The following FAM83B variants were observed in gnomAD, a reference collection of about 807,000 sequenced individuals.
FAM83B encodes the protein scaffolding CK1 anchoring protein B, also known as protein FAM83B.
A neutral mutation model predicts 38.8 loss-of-function variants in FAM83B; 26 were observed. The ratio of observed to expected loss-of-function variants is 0.67; its 90% CI spans 0.49 to 0.93. FAM83B has a LOEUF of 0.93. FAM83B is among the 40% of genes least tolerant of loss of function. The pLI is 0.00. For synonymous variants in FAM83B, 419 were observed against 423.1 expected, an observed-to-expected ratio of 0.99 and a Z score of 0.12; for missense variants, 1,237 against 1,197.3, an observed-to-expected ratio of 1.03 and a Z score of -0.49.
intron 1 of FAM83B, among the ~76,000 whole-genome samples, chr6:54,858,464 T>C (rs565953275): frequency 7.2e-5 from 11 of 152,350 alleles, no homozygotes; most frequent in Non-Finnish European, 1.2e-4. Context: ...TTGTAAAATA[T>C]AGACTTCAGC....
At chr6:54,889,924 C>T (rs1201178545) in intron 2 of FAM83B, among the ~76,000 whole-genome samples, 1 of 151,998 alleles carries the variant, frequency 6.6e-6, no homozygotes, top group Non-Finnish European at 1.5e-5. Context: ...AAATATCCTA[C>T]AAACATACAT....
intron 2 of FAM83B, among the ~76,000 whole-genome samples, chr6:54,903,409 A>T (rs1772707694): frequency 6.6e-6 from 1 of 152,178 alleles, no homozygotes; most frequent in South Asian, 2.1e-4. Context: ...AATTGTCTGC[A>T]TTTCTACTAC....
At chr6:54,880,848 A>G (rs1581897099) in intron 2 of FAM83B, among the ~76,000 whole-genome samples, 1 of 152,326 alleles carries the variant, frequency 6.6e-6, no homozygotes, top group South Asian at 2.1e-4. Context: ...AGTAGAGATA[A>G]TCACTGCTAT....
chr6:54,870,570 G>A lies in FAM83B; in HGVS notation c.324G>A (p.Trp108Ter), dbSNP rs187947062. The part of the protein sequence containing the change: ...DVEAPNLDLG[W>*]PYVMPGLLGG... ...AAGCTCCAAATCTTGACTTAGGCTG[G>A]CCATATGTGATGCCCGGACTCTTAG... Residue 108 changes from tryptophan to a stop codon, truncating the protein, a stop_gained, in exon 2 of 5, where the codon TGG becomes TGA. Transcript: ENST00000306858. LOFTEE classifies it high-confidence loss of function. 3 of 1,613,972 alleles carry A rather than the reference G, an allele frequency of 1.9e-6. No individual in the cohort carries two copies. The highest frequency in any genetic ancestry group is 2.2e-5 in the East Asian group (1 of 44,870).
chr6:54,899,988 T>C (rs1450664063), intron 2 of FAM83B, among the ~76,000 whole-genome samples: 2 of 152,170 alleles, frequency 1.3e-5, no homozygotes, highest in Non-Finnish European at 2.9e-5. Context: ...AAACCTGATA[T>C]ATGAAACAAG....
intron 2 of FAM83B, among the ~76,000 whole-genome samples, chr6:54,901,964 A>G (rs892249878): frequency 1.3e-5 from 2 of 152,048 alleles, no homozygotes; most frequent in African/African-American, 4.8e-5. Context: ...TCATGACTTT[A>G]TTTGTATTCA....
At chr6:54,899,875 G>GT (rs1488468103) in intron 2 of FAM83B, among the ~76,000 whole-genome samples, 1 of 152,014 alleles carries the variant, frequency 6.6e-6, no homozygotes, top group Non-Finnish European at 1.5e-5. Context: ...TTCATTTTCA[G>GT]TTTTTTTCTG....
intron 1 of FAM83B, 85 bp downstream of exon 1, chr6:54,846,911 G>GA: frequency 6.6e-6 from 1 of 152,282 alleles, no homozygotes; most frequent in South Asian, 2.1e-4. Flanking sequence ...GGGGTACTGG[G>GA]GGGGCCCGGG....
At chr6:54,906,559 A>T (rs1482258807) in intron 2 of FAM83B, among the ~76,000 whole-genome samples, 1 of 151,772 alleles carries the variant, frequency 6.6e-6, no homozygotes, top group Non-Finnish European at 1.5e-5. Flanking sequence ...TAATTTTTGT[A>T]TTTTTAGTAG....
intron 2 of FAM83B, among the ~76,000 whole-genome samples, chr6:54,914,727 T>C (rs1454577035): frequency 6.6e-6 from 1 of 152,162 alleles, no homozygotes; most frequent in Non-Finnish European, 1.5e-5. Flanking sequence ...TAAACTGTTA[T>C]TGTATTTCTC....
At chr6:54,906,763 A>G (rs1772785317) in intron 2 of FAM83B, among the ~76,000 whole-genome samples, 1 of 152,144 alleles carries the variant, frequency 6.6e-6, no homozygotes. Flanking sequence ...GTTATTTACC[A>G]TTCTCTCAGT....
At chr6:54,903,183 A>G (rs1161137003) in intron 2 of FAM83B, among the ~76,000 whole-genome samples, 2 of 152,206 alleles carry the variant, frequency 1.3e-5, no homozygotes, top group Admixed American at 6.5e-5. Context: ...TACGTGTACC[A>G]TAATTGGAAT....
chr6:54,930,686 C>A (rs998950316), intron 4 of FAM83B, among the ~76,000 whole-genome samples: 1 of 152,064 alleles, frequency 6.6e-6, no homozygotes, highest in Non-Finnish European at 1.5e-5. Flanking sequence ...ATTCTTTTCA[C>A]GCAGCCATGT....
Position 54,926,451 on chromosome 6 carries a change from T to C in FAM83B, c.525T>C (p.Ser175=). The C allele has an allele frequency of 6.2e-7, 1 of 1,610,650 alleles. No individual in the cohort carries two copies. Among genetic ancestry groups the C allele is most frequent in the Non-Finnish European group, 8.5e-7 (1 of 1,177,616 alleles). ...EIVEASTRGV[S]VYILLDESNF... ...TTGAGGCATCAACTCGAGGAGTATC[T>C]GTTTACATTCTGCTTGATGAGTCCA... Residue 175 remains serine, a synonymous_variant, in exon 3 of 5, where the codon TCT becomes TCC. Coordinates refer to ENST00000306858, the MANE Select transcript of FAM83B (RefSeq NM_001010872.3).
At chr6:54,935,661 A>G (rs994248838) in intron 4 of FAM83B, among the ~76,000 whole-genome samples, 1 of 152,122 alleles carries the variant, frequency 6.6e-6, no homozygotes, top group African/African-American at 2.4e-5. Flanking sequence ...GAAGTGTGAC[A>G]TGACCCAATT....
intron 2 of FAM83B, among the ~76,000 whole-genome samples, chr6:54,919,862 T>C (rs561519428): frequency 5.3e-5 from 8 of 152,118 alleles, no homozygotes; most frequent in African/African-American, 1.4e-4. Context: ...ACCGGGTACA[T>C]GCAAGATATT....
chr6:54,876,041 A>T (rs560299333), intron 2 of FAM83B, among the ~76,000 whole-genome samples: 1 of 152,130 alleles, frequency 6.6e-6, no homozygotes, highest in South Asian at 2.1e-4. Flanking sequence ...GAAATTTCAG[A>T]TGTTTTACTC....
In FAM83B at chr6:54,870,656, A is replaced by G; in HGVS notation, c.410A>G (p.Glu137Gly). 1 of 1,607,964 alleles carries G rather than the reference A, an allele frequency of 6.2e-7. No homozygotes were observed. Among genetic ancestry groups the G allele is most frequent in the Non-Finnish European group, 8.5e-7 (1 of 1,177,616 alleles). Residue 137 changes from glutamate (E) to glycine (G), a missense_variant, in exon 2 of 5, where the codon GAA (glutamate) becomes GGA (glycine). By Grantham distance (98) the Glu-to-Gly change is moderately conservative. Transcript: ENST00000306858. ...PPRAHLLTIK[E>G]TIRKMIKEAR... is the part of the protein sequence containing the mutation. ...AGAGCACATCTACTTACGATAAAAG[A>G]AACTATTCGGAAGATGATAAAAGAA...
intron 4 of FAM83B, among the ~76,000 whole-genome samples, chr6:54,936,353 A>T (rs1024533134): frequency 2.6e-5 from 4 of 152,014 alleles, no homozygotes; most frequent in African/African-American, 9.7e-5. Context: ...TGTTCTTTTG[A>T]CATGAAGTCT....
Sources: allele counts gnomAD v4.1 joint callset (sites outside exome capture counted in the v4.1 genomes callset), GRCh38; gene constraint gnomAD v4.1.1; transcripts MANE v1.5; gene names NCBI Gene and HGNC (gene_info 2026-07-23, HGNC 2026-07-21).